The following CDH9 variants were observed in gnomAD, a reference collection of about 807,000 sequenced individuals.
The protein encoded by CDH9 is cadherin 9.
A neutral mutation model predicts 70.9 loss-of-function variants in CDH9; 28 were observed. That is an observed-to-expected ratio of 0.40 (90% CI 0.29 to 0.54). CDH9 has a LOEUF of 0.54. CDH9 is among the 20% of genes least tolerant of loss of function. The pLI is 0.59. For synonymous variants in CDH9, 409 were observed against 343.1 expected (o/e 1.19, Z -2.12); for missense variants, 874 against 984.4 (o/e 0.89, Z 1.50).
Position 26,890,565 on chromosome 5 carries a change from C to G in CDH9, c.1254-1G>C. ...ATCAGTATGCCGATCAACAGAGTACCTGGCAGAAGACAGACTCATAAATCC... is the reference window on the plus strand; with the variant it reads ...ATCAGTATGCCGATCAACAGAGTACGTGGCAGAAGACAGACTCATAAATCC... On this transcript the variant is annotated splice_acceptor_variant, in intron 7 of 11. Coordinates refer to ENST00000231021, the MANE Select transcript of CDH9 (RefSeq NM_016279.4). LOFTEE classifies it high-confidence loss of function. 2 of 1,602,076 alleles carry G rather than the reference C, an allele frequency of 1.2e-6. No homozygotes were observed. The highest frequency in any genetic ancestry group is 1.7e-6 in the Non-Finnish European group (2 of 1,169,382).
chr5:26,923,112 A>C (rs1741275905), intron 2 of CDH9, among the ~76,000 whole-genome samples: 1 of 150,596 alleles, frequency 6.6e-6, no homozygotes, highest in Non-Finnish European at 1.5e-5. Flanking sequence ...AGACCCAACA[A>C]TCTGGTTGAA....
intron 2 of CDH9, among the ~76,000 whole-genome samples, chr5:26,957,049 CCT>C (rs1311862321): frequency 1.4e-5 from 2 of 146,294 alleles, no homozygotes; most frequent in Non-Finnish European, 3.0e-5. Flanking sequence ...ACTTTGATAC[CCT>C]GAGTATTTAT....
intron 2 of CDH9, among the ~76,000 whole-genome samples, chr5:26,967,712 T>G (rs550009053): frequency 1.3e-5 from 2 of 152,126 alleles, no homozygotes; most frequent in Non-Finnish European, 2.9e-5. Flanking sequence ...TTACACCTTT[T>G]TTTTTCAATG....
At chr5:27,022,360 G>T (rs1241967124) in intron 1 of CDH9, among the ~76,000 whole-genome samples, 1 of 151,952 alleles carries the variant, frequency 6.6e-6, no homozygotes, top group African/African-American at 2.4e-5. Context: ...AGACTGACAT[G>T]TATACGTTGT....
intron 2 of CDH9, among the ~76,000 whole-genome samples, chr5:26,966,842 G>A (rs1420264267): frequency 3.3e-5 from 5 of 152,036 alleles, no homozygotes; most frequent in African/African-American, 9.7e-5. Flanking sequence ...ATCCTCAGTG[G>A]TCAGTCTATC....
At chr5:26,948,223 T>C (rs995769599) in intron 2 of CDH9, among the ~76,000 whole-genome samples, 2 of 152,278 alleles carry the variant, frequency 1.3e-5, no homozygotes, top group Non-Finnish European at 1.5e-5. Flanking sequence ...AACACGGAGA[T>C]GACAGTTCAT....
At chr5:26,992,163 C>T (rs1742588807) in intron 1 of CDH9, among the ~76,000 whole-genome samples, 1 of 152,170 alleles carries the variant, frequency 6.6e-6, no homozygotes, top group Non-Finnish European at 1.5e-5. Context: ...TGCTGCTGAT[C>T]TCACAAGAGG....
At chr5:26,955,440 AT>A (rs1398430849) in intron 2 of CDH9, among the ~76,000 whole-genome samples, 3 of 152,164 alleles carry the variant, frequency 2.0e-5, no homozygotes, top group Admixed American at 6.5e-5. Context: ...CAAGGGGAGA[AT>A]TCATTTCCAT....
intron 2 of CDH9, among the ~76,000 whole-genome samples, chr5:26,968,941 A>T (rs1408209204): frequency 6.6e-6 from 1 of 152,186 alleles, no homozygotes. Flanking sequence ...CTGAACTGAA[A>T]CACACAGTCT....
chr5:26,991,624 T>C (rs1303199044), intron 1 of CDH9, among the ~76,000 whole-genome samples: 1 of 152,206 alleles, frequency 6.6e-6, no homozygotes, highest in Non-Finnish European at 1.5e-5. Flanking sequence ...TGTCTCAGGT[T>C]TTGTTTCTGG....
intron 3 of CDH9, 99 bp downstream of exon 3, chr5:26,915,531 A>G: frequency 1.4e-6 from 1 of 708,710 alleles, no homozygotes; most frequent in Non-Finnish European, 2.5e-6. Context: ...TATAACTCTT[A>G]TTCTGAAAGA....
At chr5:26,964,976 A>G (rs2112066246) in intron 2 of CDH9, among the ~76,000 whole-genome samples, 1 of 152,266 alleles carries the variant, frequency 6.6e-6, no homozygotes, top group African/African-American at 2.4e-5. Flanking sequence ...TTTCCCTTAA[A>G]AATAATTAAA....
intron 2 of CDH9, 57 bp downstream of exon 2, chr5:26,988,049 A>G: frequency 1.5e-6 from 2 of 1,299,062 alleles, no homozygotes; most frequent in Non-Finnish European, 2.1e-6. Flanking sequence ...AAGTTGCTGG[A>G]AAAAAATAAA....
chr5:26,954,144 T>G (rs1741898886), intron 2 of CDH9, among the ~76,000 whole-genome samples: 1 of 152,140 alleles, frequency 6.6e-6, no homozygotes, highest in Non-Finnish European at 1.5e-5. Context: ...CAATGTAATT[T>G]GGTACAACTT....
At chr5:26,978,066 C>G (rs1742332766) in intron 2 of CDH9, among the ~76,000 whole-genome samples, 1 of 151,978 alleles carries the variant, frequency 6.6e-6, no homozygotes, top group Non-Finnish European at 1.5e-5. Context: ...GGACGAAACT[C>G]AACACTCTTT....
At chr5:26,945,138 GT>G (rs1741728765) in intron 2 of CDH9, among the ~76,000 whole-genome samples, 1 of 151,008 alleles carries the variant, frequency 6.6e-6, no homozygotes, top group African/African-American at 2.4e-5. Context: ...ATGGGGAGGA[GT>G]TGTATAATTC....
At chr5:27,034,093 C>A (rs112344527) in intron 1 of CDH9, among the ~76,000 whole-genome samples, 50 of 151,798 alleles carry the variant, frequency 3.3e-4, no homozygotes, top group Admixed American at 1.3e-3. Context: ...ATGTCGACTG[C>A]AGCATATTCC....
At chr5:26,894,913 G>A (rs1198254300) in intron 7 of CDH9, among the ~76,000 whole-genome samples, 1 of 151,942 alleles carries the variant, frequency 6.6e-6, no homozygotes, top group Non-Finnish European at 1.5e-5. Context: ...GAGAGCACAA[G>A]GGCTCTCTTC....
intron 2 of CDH9, among the ~76,000 whole-genome samples, chr5:26,975,906 C>T (rs1477507865): frequency 3.3e-5 from 5 of 152,084 alleles, no homozygotes; most frequent in Admixed American, 1.3e-4. Flanking sequence ...CCGAGGTTAG[C>T]GTTTAAGCCT....
Sources: gnomAD v4.1 joint callset for allele counts (sites outside exome capture counted in the v4.1 genomes callset) on GRCh38, gnomAD v4.1.1 for gene constraint, MANE v1.5 for transcripts, NCBI Gene and HGNC (gene_info 2026-07-23, HGNC 2026-07-21) for gene names.